Variants in CTBP2 observed in about 807,000 individuals in gnomAD.
CTBP2 encodes C-terminal binding protein 2.
A neutral mutation model predicts 80.3 loss-of-function variants in CTBP2; 30 were observed. The observed-to-expected ratio is 0.37, with a 90% CI of 0.28 to 0.51. CTBP2 has a LOEUF of 0.51. CTBP2 is among the 20% of genes least tolerant of loss of function. The probability of loss-of-function intolerance (pLI) is 0.93; values close to 1 mark genes in which losing one functional copy is unlikely to be tolerated. For missense variants in CTBP2, 1,212 were observed against 1,375.3 expected (o/e 0.88, Z 1.88); for synonymous variants, 594 against 587.4 (o/e 1.01, Z -0.16).
At chr10:125,082,612 C>T (rs1590638674) in intron 2 of CTBP2, among the ~76,000 whole-genome samples, 1 of 126,260 alleles carries the variant, frequency 7.9e-6, no homozygotes, top group Non-Finnish European at 1.6e-5. Context: ...TTTTTTGAAA[C>T]AGTCTTGCTC....
chr10:125,017,407 C>A (rs1191060014), intron 1 of CTBP2, among the ~76,000 whole-genome samples: 1 of 152,190 alleles, frequency 6.6e-6, no homozygotes, highest in Admixed American at 6.5e-5. Context: ...TGATCAGTTT[C>A]CCTCTTTCTT....
At chr10:125,078,362 A>T (rs955942899) in intron 2 of CTBP2, among the ~76,000 whole-genome samples, 3 of 151,944 alleles carry the variant, frequency 2.0e-5, no homozygotes, top group African/African-American at 7.3e-5. Context: ...GTTCTAGGAC[A>T]TATTTCCTAG....
chr10:125,072,254 T>C (rs1003685523), intron 2 of CTBP2, among the ~76,000 whole-genome samples: 10 of 152,178 alleles, frequency 6.6e-5, no homozygotes, highest in African/African-American at 2.2e-4. Flanking sequence ...CACTCCAGCC[T>C]GGAGAGACTC....
rs151246767 is a variant in CTBP2, at chr10:125,019,353, G to A, written c.1678+6729C>T. 6.6e-5 allele frequency among the ~76,000 whole-genome samples: 10 copies of A among 152,090 alleles called. No homozygotes were observed. In the East Asian group the frequency reaches 7.7e-4, roughly 12 times the overall value. Reference sequence around the variant, plus strand: ...AACTTACCAAAAAAACCTCTCCCACGTATGAGCAAGGAATCTGTGAAAAAG... The same window carrying A: ...AACTTACCAAAAAAACCTCTCCCACATATGAGCAAGGAATCTGTGAAAAAG... On this transcript the variant is annotated intron_variant, in intron 1 of 8. Transcript: ENST00000309035.
intron 2 of CTBP2, among the ~76,000 whole-genome samples, chr10:125,055,762 G>C (rs1290001120): frequency 6.6e-6 from 1 of 152,202 alleles, no homozygotes; most frequent in African/African-American, 2.4e-5. Context: ...CAAAGAGGCA[G>C]GTAGACACAT....
At chr10:125,068,176 G>A (rs1429485421) in intron 2 of CTBP2, among the ~76,000 whole-genome samples, 2 of 152,178 alleles carry the variant, frequency 1.3e-5, no homozygotes, top group African/African-American at 4.8e-5. Context: ...CTTCACAGCT[G>A]CACCAGAGTT....
At chr10:125,103,720 G>A (rs550890812) in intron 2 of CTBP2, among the ~76,000 whole-genome samples, 12 of 152,272 alleles carry the variant, frequency 7.9e-5, no homozygotes, top group South Asian at 2.1e-4. Flanking sequence ...CCACCACCGC[G>A]GAAGTGGGTG....
At chr10:125,150,835 A>T (rs1353066942) in intron 1 of CTBP2, among the ~76,000 whole-genome samples, 1 of 149,156 alleles carries the variant, frequency 6.7e-6, no homozygotes, top group Non-Finnish European at 1.5e-5. Flanking sequence ...GAATATTCAC[A>T]ACAGCCTGGC....
Position 125,026,131 on chromosome 10 carries a change from C to T in CTBP2, c.1629G>A (p.Arg543=), listed in dbSNP as rs779609407. ...ACACGATGATGGGTGCCCCTGTGCGCCGGGCCACCTTCTGGTACGGTGAGT... is the reference window on the plus strand; with the variant it reads ...ACACGATGATGGGTGCCCCTGTGCGTCGGGCCACCTTCTGGTACGGTGAGT... The change falls in exon 1 of 9, where the codon CGG becomes CGA. Residue 543 remains arginine (R), a synonymous_variant. Transcript: ENST00000309035. 87 of 1,595,856 alleles carry T rather than the reference C, an allele frequency of 5.5e-5. No homozygotes were observed. The highest frequency in any genetic ancestry group is 1.7e-4 in the Middle Eastern group (1 of 6,006).
intron 2 of CTBP2, among the ~76,000 whole-genome samples, chr10:125,065,957 C>G (rs892135972): frequency 3.9e-5 from 6 of 151,906 alleles, no homozygotes; most frequent in African/African-American, 9.7e-5. Flanking sequence ...AAAAATTAGC[C>G]TGGCTTGGTG....
intron 2 of CTBP2, among the ~76,000 whole-genome samples, chr10:125,057,488 A>G (rs527584434): frequency 5.3e-5 from 8 of 152,228 alleles, no homozygotes; most frequent in Middle Eastern, 3.4e-3. Context: ...TTGTCCATTC[A>G]CTGATCGGCC....
rs192636458 is a variant in CTBP2, at chr10:125,066,242, G to A, written c.-101-27087C>T. 4.1e-3 allele frequency among the ~76,000 whole-genome samples: 627 copies of A among 152,210 alleles called. 6 individuals carry two copies. Among genetic ancestry groups the A allele is most frequent in the African/African-American group, 0.014 (594 of 41,554 alleles). ...TTAACATGGCGATGGCTAGGCACAG[G>A]CAGCCACCCCTCTACCAAGCCACAT... is the stretch of plus-strand genomic sequence containing the variant. On this transcript the variant is annotated intron_variant, in intron 2 of 10. Coordinates refer to the CTBP2 transcript ENST00000337195. This position sits in a 1 kb window ranked among gnomAD's most constrained non-coding sequence, Gnocchi z 4.1.
At position 125,027,343 on chromosome 10, in the gene CTBP2, G is replaced by A. The variant is rs369674752; in HGVS notation, c.417C>T (p.Tyr139=). 29 of 1,613,722 alleles carry A rather than the reference G, an allele frequency of 1.8e-5. No individual in the cohort carries two copies. Among genetic ancestry groups the A allele is most frequent in the South Asian group, 5.5e-5 (5 of 91,084 alleles). Reference sequence around the variant, plus strand: ...ATGACGTTCTGCTGCCAAGCACTCCGTAGCTGGGGACCGGCCGGCTGACTC... The same window carrying A: ...ATGACGTTCTGCTGCCAAGCACTCCATAGCTGGGGACCGGCCGGCTGACTC... The change falls in exon 1 of 9, where the codon TAC becomes TAT. Residue 139 remains tyrosine, a synonymous_variant. Transcript: ENST00000309035.
At chr10:125,084,824 C>T (rs754785062) in intron 2 of CTBP2, among the ~76,000 whole-genome samples, 5 of 152,176 alleles carry the variant, frequency 3.3e-5, no homozygotes, top group Non-Finnish European at 4.4e-5. Flanking sequence ...CCCCAAAACA[C>T]GTCTCCACTG....
chr10:125,089,356 C>G (rs1848439926), intron 2 of CTBP2, among the ~76,000 whole-genome samples: 1 of 152,140 alleles, frequency 6.6e-6, no homozygotes, highest in Non-Finnish European at 1.5e-5. Flanking sequence ...CTGACAGAAT[C>G]AGTGAAATTA....
intron 1 of CTBP2, among the ~76,000 whole-genome samples, chr10:125,129,476 G>A (rs1447261743): frequency 6.6e-6 from 1 of 152,044 alleles, no homozygotes; most frequent in Non-Finnish European, 1.5e-5. Context: ...TTGACCTTAG[G>A]TCATGAGACC....
chr10:125,130,874 CAG>C (rs1856056555), intron 1 of CTBP2, among the ~76,000 whole-genome samples: 1 of 152,202 alleles, frequency 6.6e-6, no homozygotes, highest in Admixed American at 6.5e-5. Context: ...CCCTGCCACC[CAG>C]AGAGGGCAAA....
At chr10:125,028,640 G>A (rs1037308953), upstream of CTBP2, among the ~76,000 whole-genome samples, 1 of 152,246 alleles carries the variant, frequency 6.6e-6, no homozygotes, top group African/African-American at 2.4e-5. Flanking sequence ...CCGGGGGGCC[G>A]GGGAGTGCCA....
intron 2 of CTBP2, among the ~76,000 whole-genome samples, chr10:125,049,805 GACCCAGCC>G (rs1430996526): frequency 6.6e-6 from 1 of 152,176 alleles, no homozygotes; most frequent in Admixed American, 6.5e-5. Context: ...AAGGAGTGGG[GACCCAGCC>G]TTCCAAGTTC....
Sources: gnomAD v4.1 joint callset for allele counts (sites outside exome capture counted in the v4.1 genomes callset) on GRCh38, gnomAD v4.1.1 for gene constraint, Gnocchi (gnomAD v3.1) non-coding constraint, MANE v1.5 for transcripts, NCBI Gene and HGNC (gene_info 2026-07-23, HGNC 2026-07-21) for gene names.